TUSC3: variants seen among roughly 807,000 people sequenced by gnomAD.
The protein encoded by TUSC3 is tumor suppressor candidate 3, also known as dolichyl-diphosphooligosaccharide--protein glycosyltransferase subunit TUSC3.
A neutral mutation model predicts 44.8 loss-of-function variants in TUSC3; 45 were observed. The ratio of observed to expected loss-of-function variants is 1.00; its 90% CI spans 0.79 to 1.29. TUSC3 has a LOEUF of 1.29. Ranked by LOEUF, TUSC3 falls within the 50% of genes most tolerant of loss-of-function variation. TUSC3 has a pLI of 0.00. For synonymous variants in TUSC3, 212 were observed against 152.9 expected, an observed-to-expected ratio of 1.39 and a Z score of -2.85; for missense variants, 519 against 437.9, an observed-to-expected ratio of 1.19 and a Z score of -1.65.
At chr8:15,591,799 G>C (rs1803851558) in intron 1 of TUSC3, among the ~76,000 whole-genome samples, 1 of 152,168 alleles carries the variant, frequency 6.6e-6, no homozygotes, top group African/African-American at 2.4e-5. Flanking sequence ...GTGGTAGGCA[G>C]AGGCCAGAAC....
chr8:15,750,549 AGTT>A (rs1248902997), intron 9 of TUSC3, among the ~76,000 whole-genome samples: 1 of 151,872 alleles, frequency 6.6e-6, no homozygotes, highest in Non-Finnish European at 1.5e-5. Context: ...TTCAAGTAGT[AGTT>A]GTCATTTAGT....
chr8:15,734,217 T>C (rs1389051735), intron 7 of TUSC3, among the ~76,000 whole-genome samples: 2 of 152,192 alleles, frequency 1.3e-5, no homozygotes, highest in Non-Finnish European at 2.9e-5. Flanking sequence ...AACATTTCTA[T>C]CTTTTGGATT....
chr8:15,455,629 T>C (rs1449289172), intron 1 of TUSC3, among the ~76,000 whole-genome samples: 1 of 152,144 alleles, frequency 6.6e-6, no homozygotes, highest in African/African-American at 2.4e-5. Flanking sequence ...CTATAAAAAA[T>C]AGGCTTCTAG....
At chr8:15,573,804 A>G (rs1299821527) in intron 1 of TUSC3, among the ~76,000 whole-genome samples, 2 of 152,140 alleles carry the variant, frequency 1.3e-5, no homozygotes, top group African/African-American at 2.4e-5. Context: ...TCATCTAAAC[A>G]TACTTTGGAA....
At chr8:15,746,560 T>TCTGC in intron 8 of TUSC3, among the ~76,000 whole-genome samples, 1 of 152,170 alleles carries the variant, frequency 6.6e-6, no homozygotes, top group East Asian at 1.9e-4. Flanking sequence ...ACTGAGTTCC[T>TCTGC]CTGCCTTCCC....
upstream of TUSC3, chr8:15,540,166 C>G (rs556251282): frequency 2.6e-5 from 11 of 423,484 alleles, no homozygotes; most frequent in South Asian, 6.1e-4. Flanking sequence ...CGGGAGCGCA[C>G]GCCGCGCCCC....
intron 1 of TUSC3, among the ~76,000 whole-genome samples, chr8:15,459,154 G>T (rs138661212): frequency 6.6e-6 from 1 of 152,090 alleles, no homozygotes; most frequent in African/African-American, 2.4e-5. Context: ...TGACAAAAGT[G>T]ACATGACAAA....
intron 5 of TUSC3, among the ~76,000 whole-genome samples, chr8:15,663,292 G>T (rs1807508964): frequency 6.8e-6 from 1 of 147,568 alleles, no homozygotes; most frequent in Non-Finnish European, 1.5e-5. Flanking sequence ...GATAAGTATT[G>T]TCTGTAATAT....
chr8:15,737,495 T>C (rs1180422394), intron 7 of TUSC3, among the ~76,000 whole-genome samples: 1 of 152,136 alleles, frequency 6.6e-6, no homozygotes, highest in African/African-American at 2.4e-5. Flanking sequence ...AGTAGGAAAA[T>C]GATCAACAGG....
chr8:15,545,753 A>C (rs189204379), intron 1 of TUSC3, among the ~76,000 whole-genome samples: 11 of 151,564 alleles, frequency 7.3e-5, no homozygotes, highest in Non-Finnish European at 1.2e-4. Flanking sequence ...AGAGTAATCA[A>C]CTCTTAACCT....
chr8:15,651,023 A>AC, intron 3 of TUSC3: 1 of 506,242 alleles, frequency 2.0e-6, no homozygotes, highest in South Asian at 2.2e-5. Flanking sequence ...ACACACACAC[A>AC]AATACAATTC....
chr8:15,723,886 A>T (rs1281023012), intron 6 of TUSC3, among the ~76,000 whole-genome samples: 1 of 152,086 alleles, frequency 6.6e-6, no homozygotes, highest in African/African-American at 2.4e-5. Flanking sequence ...CTACATTCCC[A>T]CTAGCTGATA....
At chr8:15,558,752 G>A (rs1802353394) in intron 1 of TUSC3, among the ~76,000 whole-genome samples, 1 of 125,438 alleles carries the variant, frequency 8.0e-6, no homozygotes, top group Non-Finnish European at 1.7e-5. Context: ...TATGTGTCGA[G>A]GAATTTATCC....
intron 1 of TUSC3, among the ~76,000 whole-genome samples, chr8:15,467,187 A>T (rs1304464974): frequency 6.6e-6 from 1 of 151,492 alleles, no homozygotes; most frequent in Admixed American, 6.6e-5. Flanking sequence ...TTTTAAGGGT[A>T]GTCAACAAGT....
chr8:15,476,047 T>C (rs1800570323), intron 1 of TUSC3, among the ~76,000 whole-genome samples: 1 of 152,204 alleles, frequency 6.6e-6, no homozygotes, highest in Admixed American at 6.5e-5. Context: ...TTATTCCTTG[T>C]TTGCTCCTAC....
intron 2 of TUSC3, among the ~76,000 whole-genome samples, chr8:15,500,288 T>C (rs973038629): frequency 2.0e-5 from 3 of 152,232 alleles, no homozygotes; most frequent in Non-Finnish European, 4.4e-5. Context: ...GAAATCAGTT[T>C]TGTTTTGTTC....
chr8:15,639,671 T>C (rs1212070443), intron 2 of TUSC3, among the ~76,000 whole-genome samples: 1 of 152,158 alleles, frequency 6.6e-6, no homozygotes, highest in African/African-American at 2.4e-5. Context: ...TTATTCTTGG[T>C]TTCAATGATT....
chr8:15,687,452 A>G (rs1585230256), intron 6 of TUSC3, among the ~76,000 whole-genome samples: 1 of 152,086 alleles, frequency 6.6e-6, no homozygotes, highest in Admixed American at 6.5e-5. Flanking sequence ...CTTAATCTTT[A>G]TATTCCTTTT....
At chr8:15,587,352 A>C (rs1205524847) in intron 1 of TUSC3, among the ~76,000 whole-genome samples, 1 of 152,126 alleles carries the variant, frequency 6.6e-6, no homozygotes, top group Non-Finnish European at 1.5e-5. Context: ...CAGCATTATA[A>C]CATTATGTTT....
Sources: allele counts gnomAD v4.1 joint callset (sites outside exome capture counted in the v4.1 genomes callset), GRCh38; gene constraint gnomAD v4.1.1; transcripts MANE v1.5; gene names NCBI Gene and HGNC (gene_info 2026-07-23, HGNC 2026-07-21).